SLC39A4: variants seen among roughly 807,000 people sequenced by gnomAD.
The protein encoded by SLC39A4 is solute carrier family 39 member 4.
A neutral mutation model predicts 56.6 loss-of-function variants in SLC39A4; 49 were observed. The observed-to-expected ratio is 0.87, with a 90% CI of 0.69 to 1.10. The LOEUF is 1.10. SLC39A4 is among the 50% of genes least tolerant of loss of function. The pLI is 0.00. For synonymous variants in SLC39A4, 540 were observed against 420.4 expected, an observed-to-expected ratio of 1.28 and a Z score of -3.48; for missense variants, 993 against 864.2, an observed-to-expected ratio of 1.15 and a Z score of -1.87.
chr8:144,413,297 A>T lies in SLC39A4; in HGVS notation c.1567T>A (p.Trp523Arg), dbSNP rs1554872261. Residue 523 changes from tryptophan to arginine, a missense_variant, in exon 10 of 12, where the codon TGG becomes AGG. Coordinates refer to ENST00000301305, the MANE Select transcript of SLC39A4 (RefSeq NM_130849.4). The part of the protein sequence containing the change: ...LAVGAAFASS[W>R]KTGLATSLAV... ...AGCGAGGTGGCCAGCCCGGTCTTCCAGGAGGACGCGAAGGCGGCGCCCACG... is the reference window on the plus strand; with the variant it reads ...AGCGAGGTGGCCAGCCCGGTCTTCCTGGAGGACGCGAAGGCGGCGCCCACG... 1 of 1,602,410 alleles carries T rather than the reference A, an allele frequency of 6.2e-7. No homozygotes were observed. Among genetic ancestry groups the T allele is most frequent in the South Asian group, 1.1e-5 (1 of 90,094 alleles).
rs2130792232 is a variant in SLC39A4, at chr8:144,412,798, C to T, written c.1776G>A (p.Val592=). ...SEESEAWILA[V]ATGLFLYVAL... Reference sequence around the variant, plus strand: ...CTACGTAGAGGAACAGGCCGGTGGCCACTGCCAGGATCCAGGCCTCGCTCT... The same window carrying T: ...CTACGTAGAGGAACAGGCCGGTGGCTACTGCCAGGATCCAGGCCTCGCTCT... Residue 592 remains valine, a synonymous_variant, in exon 11 of 12, where the codon GTG becomes GTA. Coordinates refer to ENST00000301305, the MANE Select transcript of SLC39A4 (RefSeq NM_130849.4). 1 of 1,613,162 alleles carries T rather than the reference C, an allele frequency of 6.2e-7. No individual in the cohort carries two copies. Among genetic ancestry groups the T allele is most frequent in the East Asian group, 2.2e-5 (1 of 44,884 alleles).
chr8:144,414,870 C>T lies in SLC39A4; in HGVS notation c.831G>A (p.Met277Ile). 1 of 1,613,364 alleles carries T rather than the reference C, an allele frequency of 6.2e-7. No homozygotes were observed. The highest frequency in any genetic ancestry group is 8.5e-7 in the Non-Finnish European group (1 of 1,179,974). Residue 277 changes from methionine to isoleucine, a missense_variant, in exon 5 of 12, where the codon ATG becomes ATA. Transcript: ENST00000301305. ...DTVCLSARDVMAAYGLSEQAG... is the reference protein window; with the variant it reads ...DTVCLSARDVIAAYGLSEQAG... ...CCTGTTCCGACAGTCCATATGCAGC[C>T]ATCACGTCCCTGGCACTCAGGCATA...
intron 6 of SLC39A4, 25 bp downstream of exon 6, chr8:144,414,237 G>T (rs2977839): frequency 6.2e-7 from 1 of 1,603,888 alleles, no homozygotes; most frequent in Non-Finnish European, 8.5e-7. Flanking sequence ...CGGAGGGCCA[G>T]GGTCGCGGGT....
At chr8:144,416,574 G>A in intron 1 of SLC39A4, 24 bp downstream of exon 1, 1 of 1,556,908 alleles carries the variant, frequency 6.4e-7, no homozygotes, top group Non-Finnish European at 8.7e-7. Context: ...CAGGGCTGGG[G>A]GACCCGTCGG....
chr8:144,414,744 G>A lies in SLC39A4; in HGVS notation c.957C>T (p.Asp319=). 6.2e-7 allele frequency: 1 copy of A among 1,612,972 alleles called. No individual in the cohort carries two copies. The highest frequency in any genetic ancestry group is 1.1e-5 in the South Asian group (1 of 91,080). ...ACTCACTCTCTGACTGGCTGAGCTG[G>A]TCCTGGACGGGGGGCCTGGACTGGG... ...CTSQSRPPVQ[D]QLSQSERYLY... Residue 319 remains aspartate (D), a synonymous_variant, in exon 5 of 12, where the codon GAC becomes GAT. Transcript: ENST00000301305.
rs1379095662 is a variant in SLC39A4 at position 144,413,584 on chromosome 8, G to A, written c.1420-17C>T. ...CTCCGCCACCTGGGAGGAGCCTTGAGTAAGTCCCGCCCGGAAGTGGAGGAG... is the reference window on the plus strand; with the variant it reads ...CTCCGCCACCTGGGAGGAGCCTTGAATAAGTCCCGCCCGGAAGTGGAGGAG... On this transcript the variant is annotated splice_polypyrimidine_tract_variant and intron_variant, in intron 8 of 11. Transcript: ENST00000301305. The A allele has an allele frequency of 1.3e-6, 2 of 1,550,326 alleles. No homozygotes were observed. Among genetic ancestry groups the A allele is most frequent in the Non-Finnish European group, 1.7e-6 (2 of 1,147,220 alleles).
Position 144,414,993 on chromosome 8 carries a change from C to T in SLC39A4, c.785G>A (p.Ser262Asn), listed in dbSNP as rs781998218. ...DPVPLISSSN[S>N]SSVWDTVCLS... ...GCTCACCGTGTCCCACACACTGGAG[C>T]TGTTGCTGGAGCTGATGAGGGGCAC... Residue 262 changes from serine (S) to asparagine (N), a missense_variant, in exon 4 of 12, where the codon AGC becomes AAC. Coordinates refer to ENST00000301305, the MANE Select transcript of SLC39A4 (RefSeq NM_130849.4). 3.7e-6 allele frequency: 6 copies of T among 1,612,402 alleles called. No individual in the cohort carries two copies. In the Admixed American group the frequency reaches 1.0e-4, roughly 27 times the overall value.
rs782661708 is a variant in SLC39A4, at chr8:144,415,937, G to A, written c.347C>T (p.Ala116Val). ...GTCTGCATGAGAGGCCCAGAGGCCA[G>A]CCCGAGCGTCCTCACAGGTGCCCTC... ...NPEGTCEDAR[A>V]GLWASHADHL... The change falls in exon 2 of 12, where the codon GCT becomes GTT. Residue 116 changes from alanine (A) to valine (V), a missense_variant. By Grantham distance (64) the Ala-to-Val change is moderately conservative. Transcript: ENST00000301305. The A allele has an allele frequency of 5.0e-6, 8 of 1,595,488 alleles. No individual in the cohort carries two copies. The Admixed American group carries it at 8.7e-5, about 17-fold the overall frequency.
chr8:144,413,675 G>C, intron 8 of SLC39A4, 75 bp downstream of exon 8: 1 of 1,539,886 alleles, frequency 6.5e-7, no homozygotes, highest in Non-Finnish European at 8.7e-7. Flanking sequence ...CCTGGGGTGG[G>C]GCTGGGAGTG....
chr8:144,416,366 G>T (rs1206707069), intron 1 of SLC39A4: 3 of 1,458,366 alleles, frequency 2.1e-6, no homozygotes, highest in Admixed American at 5.1e-5. Flanking sequence ...CCGGCAGGGG[G>T]AGTTGGCCCT....
In SLC39A4 at chr8:144,412,532, A is replaced by G. The variant is rs1197305981; in HGVS notation, c.*6T>C. On this transcript the variant is annotated 3_prime_UTR_variant, in exon 12 of 12. Coordinates refer to ENST00000301305, the MANE Select transcript of SLC39A4 (RefSeq NM_130849.4). ...TAAGTCAAAGGTGGGGGACTAGGGC[A>G]GGGTATCAGAAGGTGATGTCATCCT... The G allele has an allele frequency of 3.1e-6, 5 of 1,614,204 alleles. No individual in the cohort carries two copies. Among genetic ancestry groups the G allele is most frequent in the Admixed American group, 1.7e-5 (1 of 60,032 alleles).
chr8:144,416,478 G>A, intron 1 of SLC39A4, 120 bp downstream of exon 1: 1 of 1,476,116 alleles, frequency 6.8e-7, no homozygotes, highest in Non-Finnish European at 9.0e-7. Flanking sequence ...GGGTGCCCAG[G>A]TACTGCCACT....
At chr8:144,416,118 G>T (rs1554873936) in intron 1 of SLC39A4, 27 bp from the exon 2 acceptor site, 1 of 1,600,088 alleles carries the variant, frequency 6.2e-7, no homozygotes, top group Admixed American at 1.7e-5. Flanking sequence ...GTGAGCAGGG[G>T]CGCTGGGCCC....
chr8:144,415,023 TCCCGGCTGCTGGCTC>T lies in SLC39A4; in HGVS notation c.740_754del (p.Gly247_Arg251del). 6.2e-7 allele frequency: 1 copy of T among 1,611,786 alleles called. No homozygotes were observed. The highest frequency in any genetic ancestry group is 8.5e-7 in the Non-Finnish European group (1 of 1,179,936). ...GCTGGAGCTGATGAGGGGCACAGGG[TCCCGGCTGCTGGCTC>T]CCCTGTGCCGATGACTGTGGTCACT... On this transcript the variant is annotated inframe_deletion, in exon 4 of 12. Coordinates refer to ENST00000301305, the MANE Select transcript of SLC39A4 (RefSeq NM_130849.4).
intron 1 of SLC39A4, 83 bp downstream of exon 1, chr8:144,416,515 C>T: frequency 6.6e-7 from 1 of 1,516,248 alleles, no homozygotes; most frequent in African/African-American, 1.4e-5. Flanking sequence ...TGGAGTTTGC[C>T]CAGGGCCCTT....
At chr8:144,416,290 C>T in intron 1 of SLC39A4, 199 bp from the exon 2 acceptor site, 2 of 1,531,322 alleles carry the variant, frequency 1.3e-6, no homozygotes, top group Non-Finnish European at 1.7e-6. Context: ...GCAGAGGGGT[C>T]CCCAACAGTG....
In SLC39A4 at chr8:144,415,421, T is replaced by C. The variant is rs1554873649; in HGVS notation, c.475-2A>G. On this transcript the variant is annotated splice_acceptor_variant, in intron 2 of 11. Coordinates refer to ENST00000301305, the MANE Select transcript of SLC39A4 (RefSeq NM_130849.4). LOFTEE classifies it high-confidence loss of function. Reference sequence around the variant, plus strand: ...CAGCTGAGGGATATCTACGCAGGCCTGGGGAAGAGGGGGCCTCCGCCTCAG... The same window carrying C: ...CAGCTGAGGGATATCTACGCAGGCCCGGGGAAGAGGGGGCCTCCGCCTCAG... 2.5e-6 allele frequency: 4 copies of C among 1,597,218 alleles called. No individual in the cohort carries two copies. The highest frequency in any genetic ancestry group is 2.6e-6 in the Non-Finnish European group (3 of 1,172,594).
At chr8:144,413,924 C>A (rs1466251473) in intron 7 of SLC39A4, 34 bp downstream of exon 7, 1 of 1,610,372 alleles carries the variant, frequency 6.2e-7, no homozygotes, top group African/African-American at 1.3e-5. Flanking sequence ...CCCCAGCACA[C>A]CCACCCGCCG....
Position 144,413,267 on chromosome 8 carries a change from C to T in SLC39A4, c.1597G>A (p.Val533Met). 1.9e-6 allele frequency: 3 copies of T among 1,593,460 alleles called. No individual in the cohort carries two copies. Among genetic ancestry groups the T allele is most frequent in the Non-Finnish European group, 1.7e-6 (2 of 1,174,364 alleles). Residue 533 changes from valine (V) to methionine (M), a missense_variant, in exon 10 of 12, where the codon GTG becomes ATG. Val to Met is a conservative substitution (Grantham distance 21, BLOSUM62 1). Transcript: ENST00000301305. Reference sequence around the variant, plus strand: ...TCGTGTGGCAACTCGTGGCAGAACACGGCCAGCGAGGTGGCCAGCCCGGTC... The same window carrying T: ...TCGTGTGGCAACTCGTGGCAGAACATGGCCAGCGAGGTGGCCAGCCCGGTC... ...WKTGLATSLA[V>M]FCHELPHELG...
Sources: gnomAD v4.1 joint callset for allele counts on GRCh38, gnomAD v4.1.1 for gene constraint, MANE v1.5 for transcripts, NCBI Gene and HGNC (gene_info 2026-07-23, HGNC 2026-07-21) for gene names.